ZNF517: variants seen among roughly 807,000 people sequenced by gnomAD.
The protein encoded by ZNF517 is zinc finger protein 517.
A neutral mutation model predicts 12.1 loss-of-function variants in ZNF517; 12 were observed. The observed-to-expected ratio is 0.99, with a 90% CI of 0.63 to 1.61. The LOEUF is 1.61. Ranked by LOEUF, ZNF517 falls within the 40% of genes most tolerant of loss-of-function variation. ZNF517 has a pLI of 0.00. For synonymous variants in ZNF517, 388 were observed against 310.2 expected (o/e 1.25, Z -2.63); for missense variants, 781 against 693.2 (o/e 1.13, Z -1.42).
At position 144,807,236 on chromosome 8, in the gene ZNF517, A is replaced by G; in HGVS notation, c.320A>G (p.Lys107Arg). 6.5e-7 allele frequency: 1 copy of G among 1,547,080 alleles called. No homozygotes were observed. The highest frequency in any genetic ancestry group is 2.1e-5 in the Admixed American group (1 of 47,560). Residue 107 changes from lysine to arginine, a missense_variant, in exon 5 of 5, where the codon AAG (lysine) becomes AGG (arginine). Coordinates refer to ENST00000359971, the MANE Select transcript of ZNF517 (RefSeq NM_213605.3). ...AGIMESPLQR[K>R]LSRQAGLPGT... ...ATCATGGAGTCTCCTCTGCAGAGAA[A>G]GCTCTCCAGGCAGGCAGGACTGCCG...
intron 1 of ZNF517, 91 bp from the exon 2 acceptor site, chr8:144,802,779 C>T (rs187261191): frequency 1.9e-6 from 3 of 1,566,060 alleles, no homozygotes; most frequent in East Asian, 4.5e-5. Context: ...TTTACCCTCT[C>T]CTGCTCCCTT....
intron 1 of ZNF517, among the ~76,000 whole-genome samples, chr8:144,801,253 G>T (rs1826944492): frequency 6.6e-6 from 1 of 152,206 alleles, no homozygotes; most frequent in South Asian, 2.1e-4. Flanking sequence ...CCAAACACAA[G>T]AGCTCAAGTG....
At chr8:144,813,265 G>A (rs1300618476), downstream of ZNF517, among the ~76,000 whole-genome samples, 3 of 148,026 alleles carry the variant, frequency 2.0e-5, no homozygotes, top group Non-Finnish European at 4.4e-5. Context: ...GCAGTGAGCC[G>A]AGATGGCACC....
In ZNF517 at chr8:144,807,195, C is replaced by G. The variant is rs1022753897; in HGVS notation, c.279C>G (p.Ser93=). 8.5e-6 allele frequency: 13 copies of G among 1,521,184 alleles called. No individual in the cohort carries two copies. The highest frequency in any genetic ancestry group is 1.4e-5 in the African/African-American group (1 of 71,784). The allele number at this position is 1,521,184 out of a possible 1,614,324, so 94.2% of individuals were successfully genotyped here. A position where few individuals can be genotyped will look rare whatever the true frequency, so the allele number is the denominator to read the frequency against. ...GTTTTCTGTTCCTTCTCTCAGATTC[C>G]AGGATGGAGGCTGGGATCATGGAGT... is the stretch of plus-strand genomic sequence containing the variant. ...SVAKASLCTD[S]RMEAGIMESP... The change falls in exon 5 of 5, where the codon TCC becomes TCG. Residue 93 remains serine (S), a synonymous_variant. Coordinates refer to ENST00000359971, the MANE Select transcript of ZNF517 (RefSeq NM_213605.3).
At chr8:144,805,049 C>A (rs1440351949) in intron 4 of ZNF517, among the ~76,000 whole-genome samples, 1 of 152,234 alleles carries the variant, frequency 6.6e-6, no homozygotes, top group Non-Finnish European at 1.5e-5. Context: ...GGAGCAGAGT[C>A]TTCTCTAACT....
In ZNF517 at chr8:144,803,246, T is replaced by A. The variant is rs1470306422; in HGVS notation, c.33+299T>A. On this transcript the variant is annotated intron_variant, in intron 2 of 4. Transcript: ENST00000359971. ...CCCAGTGCCTGCCTCCTTCCTGGTG[T>A]GAATGGTCAGCCCATCCTCCCTCTC... is the stretch of plus-strand genomic sequence containing the variant. The A allele has an allele frequency of 5.4e-5, 27 of 502,170 alleles. No individual in the cohort carries two copies. The East Asian group carries it at 9.0e-4, about 17-fold the overall frequency. 31.1% of individuals were successfully genotyped at this position (502,170 alleles called of 1,614,324 possible). A position where few individuals can be genotyped will look rare whatever the true frequency, so the allele number is the denominator to read the frequency against.
intron 1 of ZNF517, among the ~76,000 whole-genome samples, chr8:144,801,634 T>C (rs759369703): frequency 6.6e-6 from 1 of 152,160 alleles, no homozygotes; most frequent in African/African-American, 2.4e-5. Context: ...CCTGCCACCA[T>C]GCCCGGCTAA....
At chr8:144,803,020 G>A in intron 2 of ZNF517, 73 bp downstream of exon 2, 1 of 1,594,016 alleles carries the variant, frequency 6.3e-7, no homozygotes, top group Non-Finnish European at 8.6e-7. Flanking sequence ...TCAGCCCTGA[G>A]AACCTTACAG....
downstream of ZNF517, among the ~76,000 whole-genome samples, chr8:144,812,721 G>T (rs1179075401): frequency 6.6e-6 from 1 of 152,226 alleles, no homozygotes; most frequent in Non-Finnish European, 1.5e-5. Context: ...TCTCAAAGCT[G>T]CACTGCAGAA....
At chr8:144,801,492 CG>C (rs1826957547) in intron 1 of ZNF517, among the ~76,000 whole-genome samples, 1 of 151,578 alleles carries the variant, frequency 6.6e-6, no homozygotes, top group Non-Finnish European at 1.5e-5. Context: ...GCAACAAGAG[CG>C]AGTTGTCGGA....
chr8:144,802,739 A>T (rs1827028355), intron 1 of ZNF517, 131 bp from the exon 2 acceptor site: 2 of 1,391,222 alleles, frequency 1.4e-6, no homozygotes, highest in Non-Finnish European at 1.9e-6. Flanking sequence ...TGGGACGTGA[A>T]GGAGGCGGCT....
rs62531506 is a variant in ZNF517, at chr8:144,807,457, G to C, written c.541G>C (p.Val181Leu). The C allele has an allele frequency of 1.2e-4, 196 of 1,576,962 alleles. No individual in the cohort carries two copies. Among genetic ancestry groups the C allele is most frequent in the Non-Finnish European group, 1.5e-4 (175 of 1,161,924 alleles). Reference sequence around the variant, plus strand: ...GAGCTCAGCCCCCCGCTACAGGTGCGTGTGCGGCAAGGCGTTCAGATACAA... The same window carrying C: ...GAGCTCAGCCCCCCGCTACAGGTGCCTGTGCGGCAAGGCGTTCAGATACAA... ...VGSSAPRYRC[V>L]CGKAFRYNSL... is the part of the protein sequence containing the mutation. The change falls in exon 5 of 5, where the codon GTG (valine) becomes CTG (leucine). Residue 181 changes from valine to leucine, a missense_variant. Physicochemically the swap from Val to Leu is conservative, Grantham distance 32 (BLOSUM62 1). Coordinates refer to ENST00000359971, the MANE Select transcript of ZNF517 (RefSeq NM_213605.3).
intron 1 of ZNF517, among the ~76,000 whole-genome samples, chr8:144,801,974 A>C (rs1189447777): frequency 1.3e-5 from 2 of 152,164 alleles, no homozygotes; most frequent in Non-Finnish European, 2.9e-5. Context: ...TTGAGGCTGC[A>C]GTGAGCTGAG....
At position 144,809,423 on chromosome 8, in the gene ZNF517, G is replaced by T. The variant is rs766055246; in HGVS notation, c.*1028G>T. 6.6e-6 allele frequency: 1 copy of T among 152,192 alleles called. No homozygotes were observed. Among genetic ancestry groups the T allele is most frequent in the Admixed American group, 6.5e-5 (1 of 15,274 alleles). 9.4% of individuals were successfully genotyped at this position (152,192 alleles called of 1,614,324 possible). A position where few individuals can be genotyped will look rare whatever the true frequency, so the allele number is the denominator to read the frequency against. On this transcript the variant is annotated 3_prime_UTR_variant, in exon 5 of 5. Coordinates refer to ENST00000359971, the MANE Select transcript of ZNF517 (RefSeq NM_213605.3). Reference sequence around the variant, plus strand: ...GACTCAGTGAAGATCTGCCCTCAGCGTGGGCAGGCACATCCACTTGGTTGG... The same window carrying T: ...GACTCAGTGAAGATCTGCCCTCAGCTTGGGCAGGCACATCCACTTGGTTGG...
At position 144,808,581 on chromosome 8, in the gene ZNF517, C is replaced by T. The variant is rs1435331133; in HGVS notation, c.*186C>T. The T allele has an allele frequency of 1.1e-5, 9 of 805,940 alleles. No individual in the cohort carries two copies. The East Asian group carries it at 1.3e-4, about 12-fold the overall frequency. 49.9% of individuals were successfully genotyped at this position (805,940 alleles called of 1,614,324 possible). Reference sequence around the variant, plus strand: ...GGGAGGGAAAGGGCACCAGGCAGCCCGTGGTGTGGCCTCAGGAACCACTAT... The same window carrying T: ...GGGAGGGAAAGGGCACCAGGCAGCCTGTGGTGTGGCCTCAGGAACCACTAT... On this transcript the variant is annotated 3_prime_UTR_variant, in exon 5 of 5. Coordinates refer to ENST00000359971, the MANE Select transcript of ZNF517 (RefSeq NM_213605.3).
At chr8:144,805,679 G>A (rs1192003566) in intron 4 of ZNF517, among the ~76,000 whole-genome samples, 4 of 144,128 alleles carry the variant, frequency 2.8e-5, no homozygotes, top group East Asian at 2.0e-4. Context: ...AGGCTGGCGC[G>A]TTCTCGGCTC....
chr8:144,802,723 C>A, intron 1 of ZNF517, 147 bp from the exon 2 acceptor site: 2 of 1,349,962 alleles, frequency 1.5e-6, no homozygotes, highest in Non-Finnish European at 1.9e-6. Flanking sequence ...CTTGGATACA[C>A]CTCCTTGGGA....
At position 144,807,756 on chromosome 8, in the gene ZNF517, G is replaced by C. The variant is rs756895909; in HGVS notation, c.840G>C (p.Gln280His). 2.5e-6 allele frequency: 4 copies of C among 1,612,294 alleles called. No individual in the cohort carries two copies. Among genetic ancestry groups the C allele is most frequent in the Non-Finnish European group, 3.4e-6 (4 of 1,179,532 alleles). ...FSRSSRLLQH[Q>H]KFHTGEKPFA... is the part of the protein sequence containing the mutation. ...GCAGCTCCCGGCTGCTGCAGCACCA[G>C]AAGTTCCACACCGGGGAGAAGCCCT... The change falls in exon 5 of 5, where the codon CAG (glutamine) becomes CAC (histidine). Residue 280 changes from glutamine (Q) to histidine (H), a missense_variant. Gln to His is a conservative substitution (Grantham distance 24). Coordinates refer to ENST00000359971, the MANE Select transcript of ZNF517 (RefSeq NM_213605.3).
At position 144,807,888 on chromosome 8, in the gene ZNF517, G is replaced by GCGC. The variant is rs758139666; in HGVS notation, c.973_975dup (p.Arg325dup). 3.9e-6 allele frequency: 6 copies of GCGC among 1,551,350 alleles called. No individual in the cohort carries two copies. The South Asian group carries it at 7.4e-5, about 19-fold the overall frequency. The stretch of plus-strand genomic sequence containing the variant: ...CCTACCGGTGCCTGCGGTGTGGGCA[G>GCGC]CGCTTCATCCGAGGGTCCTCGCTCC... On this transcript the variant is annotated inframe_insertion, in exon 5 of 5. Transcript: ENST00000359971.
Sources: gnomAD v4.1 joint callset for allele counts (sites outside exome capture counted in the v4.1 genomes callset) on GRCh38, gnomAD v4.1.1 for gene constraint, MANE v1.5 for transcripts, NCBI Gene and HGNC (gene_info 2026-07-23, HGNC 2026-07-21) for gene names.